HMCN1: variants seen among roughly 807,000 people sequenced by gnomAD.
HMCN1 encodes hemicentin-1.
HMCN1 carries 321 observed loss-of-function variants against 625.9 expected under a neutral mutation model. The observed-to-expected ratio is 0.51, with a 90% confidence interval of 0.47 to 0.56. The LOEUF is 0.56. HMCN1 is among the 20% of genes least tolerant of loss of function. The pLI is 0.00. For synonymous variants in HMCN1, 2,425 were observed against 2,417.6 expected, an observed-to-expected ratio of 1.00 and a Z score of -0.09; for missense variants, 6,588 against 6,887.3, an observed-to-expected ratio of 0.96 and a Z score of 1.54.
chr1:186,093,026 T>A (rs1659926930), intron 64 of HMCN1, 108 bp from the exon 65 acceptor site: 1 of 1,446,252 alleles, frequency 6.9e-7, no homozygotes, highest in Admixed American at 1.7e-5. Context: ...TTCAGTTGGT[T>A]GCTTGAATTT....
chr1:186,051,839 G>T (rs532764659), intron 42 of HMCN1, among the ~76,000 whole-genome samples: 1 of 152,062 alleles, frequency 6.6e-6, no homozygotes, highest in African/African-American at 2.4e-5. Flanking sequence ...TAAGTCAATG[G>T]GAATTGACTT....
At chr1:186,164,508 G>T (rs1179245411) in intron 97 of HMCN1, among the ~76,000 whole-genome samples, 9 of 152,116 alleles carry the variant, frequency 5.9e-5, no homozygotes, top group East Asian at 1.9e-4. Context: ...CTCCCAAAGT[G>T]CTGGGATTAC....
chr1:186,016,260 C>G, intron 32 of HMCN1, 21 bp downstream of exon 32: 1 of 1,607,524 alleles, frequency 6.2e-7, no homozygotes, highest in Non-Finnish European at 8.5e-7. Flanking sequence ...ATGCCACTGC[C>G]TGGGTTCTCA....
rs748287658 is a variant in HMCN1 at position 186,103,651 on chromosome 1, C to A, written c.10753C>A (p.Arg3585=). Residue 3585 remains arginine, a synonymous_variant, in exon 69 of 107, where the codon CGA becomes AGA. Coordinates refer to ENST00000271588, the MANE Select transcript of HMCN1 (RefSeq NM_031935.3). ...VQTLGGGEVL[R]ISTAQVEDTG... is the part of the protein sequence containing the mutation. ...AACTCTAGGAGGAGGAGAGGTTCTT[C>A]GAATTTCTACTGCTCAGGTAAGTGT... The A allele has an allele frequency of 1.2e-6, 2 of 1,613,588 alleles. No homozygotes were observed. Among genetic ancestry groups the A allele is most frequent in the Non-Finnish European group, 1.7e-6 (2 of 1,179,674 alleles).
At position 186,069,717 on chromosome 1, in the gene HMCN1, C is replaced by T. The variant is rs776222404; in HGVS notation, c.7934C>T (p.Ser2645Phe). The change falls in exon 51 of 107, where the codon TCT becomes TTT. Residue 2645 changes from serine to phenylalanine, a missense_variant. This residue lies in a region of HMCN1 where 4,628 missense variants were observed against 4,853.1 expected (regional missense o/e 0.95). Transcript: ENST00000271588. ...CAGGAGGACAATGCTGGAAGATACT[C>T]TTGTGTAGCCACGAATGAGGCTGGA... ...NAQEDNAGRYSCVATNEAGEM... is the reference protein window; with the variant it reads ...NAQEDNAGRYFCVATNEAGEM... 6.2e-7 allele frequency: 1 copy of T among 1,613,584 alleles called. No individual in the cohort carries two copies. The highest frequency in any genetic ancestry group is 8.5e-7 in the Non-Finnish European group (1 of 1,179,814).
intron 30 of HMCN1, among the ~76,000 whole-genome samples, chr1:186,007,748 C>T (rs181152159): frequency 1.3e-5 from 2 of 152,252 alleles, no homozygotes; most frequent in African/African-American, 4.8e-5. Flanking sequence ...ACTGTTTTCT[C>T]CCAGCTATGT....
At chr1:185,969,013 AG>A (rs1650615340) in intron 14 of HMCN1, among the ~76,000 whole-genome samples, 1 of 152,216 alleles carries the variant, frequency 6.6e-6, no homozygotes, top group Non-Finnish European at 1.5e-5. Context: ...GAAAGCTACT[AG>A]CAAAAAAGTC....
At chr1:185,827,873 C>A (rs1471044970) in intron 1 of HMCN1, among the ~76,000 whole-genome samples, 1 of 152,004 alleles carries the variant, frequency 6.6e-6, no homozygotes, top group East Asian at 1.9e-4. Flanking sequence ...AAGAATGTCT[C>A]TTGTAGGAGA....
intron 11 of HMCN1, among the ~76,000 whole-genome samples, chr1:185,952,638 A>T (rs1051193067): frequency 1.3e-5 from 2 of 151,630 alleles, no homozygotes; most frequent in Non-Finnish European, 2.9e-5. Context: ...ACTACTGTCG[A>T]GTTTGTATTG....
intron 39 of HMCN1, among the ~76,000 whole-genome samples, chr1:186,040,776 A>C (rs1037404912): frequency 6.6e-6 from 1 of 152,164 alleles, no homozygotes; most frequent in Non-Finnish European, 1.5e-5. Context: ...TTGATGCTGT[A>C]TGTAAAGACT....
chr1:185,998,625 G>A (rs1401178019), intron 25 of HMCN1, among the ~76,000 whole-genome samples: 4 of 151,950 alleles, frequency 2.6e-5, no homozygotes. Flanking sequence ...TGACTCCCAA[G>A]CTAATTTCTT....
intron 1 of HMCN1, among the ~76,000 whole-genome samples, chr1:185,843,226 T>C (rs1661594839): frequency 6.6e-6 from 1 of 152,208 alleles, no homozygotes; most frequent in African/African-American, 2.4e-5. Flanking sequence ...GTTATAACAA[T>C]GTTATCAGGA....
intron 32 of HMCN1, 39 bp from the exon 33 acceptor site, chr1:186,016,924 A>C: frequency 9.0e-7 from 1 of 1,105,832 alleles, no homozygotes; most frequent in Non-Finnish European, 1.4e-6. Context: ...TTTTTGTTGT[A>C]TACATTTCTT....
At chr1:186,056,111 T>G (rs1426447525) in intron 45 of HMCN1, among the ~76,000 whole-genome samples, 1 of 152,000 alleles carries the variant, frequency 6.6e-6, no homozygotes, top group Non-Finnish European at 1.5e-5. Flanking sequence ...GTCATAAATG[T>G]CAATAAGAAT....
intron 11 of HMCN1, among the ~76,000 whole-genome samples, chr1:185,956,108 C>CT (rs1419945802): frequency 6.6e-6 from 1 of 152,082 alleles, no homozygotes; most frequent in East Asian, 1.9e-4. Context: ...CTGTGAGATA[C>CT]TTATTGTCTA....
chr1:186,015,873 A>C (rs1654332773), intron 31 of HMCN1, 85 bp from the exon 32 acceptor site: 4 of 1,318,678 alleles, frequency 3.0e-6, no homozygotes, highest in Non-Finnish European at 4.4e-6. Context: ...TTGTGAGAAA[A>C]AACAAAAGCT....
At chr1:186,092,759 T>C (rs948460524) in intron 64 of HMCN1, among the ~76,000 whole-genome samples, 2 of 152,096 alleles carry the variant, frequency 1.3e-5, no homozygotes, top group African/African-American at 2.4e-5. Flanking sequence ...TTTATAACTA[T>C]ATTAAGTTGC....
intron 39 of HMCN1, 117 bp downstream of exon 39, chr1:186,039,996 T>A: frequency 6.1e-6 from 6 of 987,550 alleles, no homozygotes; most frequent in South Asian, 1.3e-5. Flanking sequence ...TGCTATTTTT[T>A]AAATACACAT....
intron 82 of HMCN1, 130 bp from the exon 83 acceptor site, chr1:186,127,948 C>A: frequency 1.2e-6 from 1 of 813,052 alleles, no homozygotes; most frequent in Non-Finnish European, 2.1e-6. Flanking sequence ...ATGGTTAAGA[C>A]TAAAAGATGG....
Sources: allele counts gnomAD v4.1 joint callset (sites outside exome capture counted in the v4.1 genomes callset), GRCh38; gene constraint gnomAD v4.1.1; regional missense constraint gnomAD v4.1.1; transcripts MANE v1.5; gene names NCBI Gene and HGNC (gene_info 2026-07-23, HGNC 2026-07-21).